Variants in IGSF21 observed in about 807,000 individuals in gnomAD.
IGSF21 encodes the protein immunoglobin superfamily member 21.
Under a neutral mutation model 46.8 loss-of-function variants are expected in IGSF21, and 28 were observed. The ratio of observed to expected loss-of-function variants is 0.60; its 90% CI spans 0.44 to 0.82. The LOEUF is 0.82. Among genes scored for constraint, IGSF21 ranks in the 40% least tolerant of loss-of-function variants. The pLI is 0.00. For missense variants in IGSF21, 624 were observed against 665.5 expected, an observed-to-expected ratio of 0.94 and a Z score of 0.69; for synonymous variants, 284 against 273.6, an observed-to-expected ratio of 1.04 and a Z score of -0.38.
At chr1:18,242,914 C>A (rs543894279) in intron 2 of IGSF21, among the ~76,000 whole-genome samples, 1 of 152,310 alleles carries the variant, frequency 6.6e-6, no homozygotes, top group East Asian at 1.9e-4. Flanking sequence ...GACCCGCACC[C>A]TTGTCTGGAG....
chr1:18,341,042 T>C (rs1378246772), intron 4 of IGSF21, among the ~76,000 whole-genome samples: 4 of 96,172 alleles, frequency 4.2e-5, no homozygotes, highest in African/African-American at 1.6e-4. Flanking sequence ...CTTCTTCTTC[T>C]TCCTCTTCCT....
chr1:18,210,567 G>A (rs916258734), intron 1 of IGSF21, among the ~76,000 whole-genome samples: 2 of 152,126 alleles, frequency 1.3e-5, no homozygotes, highest in Admixed American at 6.5e-5. Context: ...TGCTGTGCTA[G>A]GGAACTCCTG....
At chr1:18,351,873 C>T (rs1374172404) in intron 4 of IGSF21, among the ~76,000 whole-genome samples, 1 of 152,210 alleles carries the variant, frequency 6.6e-6, no homozygotes, top group East Asian at 1.9e-4. Context: ...GCTACATAAA[C>T]TACAGAGCGG....
rs141189325 is a variant in IGSF21 at position 18,238,367 on chromosome 1, G to A, written c.183+10357G>A. On this transcript the variant is annotated intron_variant, in intron 2 of 9. Transcript: ENST00000251296. Reference sequence around the variant, plus strand: ...AAGAGCTGCTGTGTGATTGGGATCCGTCCAGACACCACAGCTCAGTCAGCC... The same window carrying A: ...AAGAGCTGCTGTGTGATTGGGATCCATCCAGACACCACAGCTCAGTCAGCC... Among the ~76,000 whole-genome samples the A allele has an allele frequency of 1.6e-3, 243 of 152,274 alleles. 1 individual carries two copies. The highest frequency in any genetic ancestry group is 3.0e-3 in the Non-Finnish European group (204 of 68,016).
intron 3 of IGSF21, among the ~76,000 whole-genome samples, chr1:18,318,916 A>G (rs2085571866): frequency 6.6e-6 from 1 of 152,200 alleles, no homozygotes. Flanking sequence ...AAATTGTAGG[A>G]AACAGCCACC....
chr1:18,321,480 A>G (rs984584740), intron 3 of IGSF21, among the ~76,000 whole-genome samples: 1 of 152,188 alleles, frequency 6.6e-6, no homozygotes, highest in Non-Finnish European at 1.5e-5. Flanking sequence ...AAGCTGTAAT[A>G]AAATACCATA....
At chr1:18,227,863 G>A (rs367569444) in intron 1 of IGSF21, 35 bp from the exon 2 acceptor site, 17 of 1,521,958 alleles carry the variant, frequency 1.1e-5, no homozygotes, top group African/African-American at 9.6e-5. Context: ...TGATCTGCTC[G>A]TGCCCTTACC....
chr1:18,286,836 C>T (rs891080973), intron 2 of IGSF21, among the ~76,000 whole-genome samples: 2 of 152,180 alleles, frequency 1.3e-5, no homozygotes, highest in African/African-American at 4.8e-5. Flanking sequence ...ATTTATCGAG[C>T]GAGTGCCATT....
intron 1 of IGSF21, among the ~76,000 whole-genome samples, chr1:18,214,651 A>T (rs2084424753): frequency 6.6e-6 from 1 of 152,178 alleles, no homozygotes; most frequent in Non-Finnish European, 1.5e-5. Flanking sequence ...TCATGGAGGA[A>T]GGTGAAGGGG....
At position 18,241,987 on chromosome 1, in the gene IGSF21, G is replaced by A. The variant is rs77060856; in HGVS notation, c.183+13977G>A. ...TTTGGGAAGCTCTGTGGCCTCCTCCGTGGGGGAGAGATGGAGATGGCCTGG... is the reference window on the plus strand; with the variant it reads ...TTTGGGAAGCTCTGTGGCCTCCTCCATGGGGGAGAGATGGAGATGGCCTGG... On this transcript the variant is annotated intron_variant, in intron 2 of 9. Transcript: ENST00000251296. 7.9e-3 allele frequency among the ~76,000 whole-genome samples: 1,208 copies of A among 152,304 alleles called. 17 individuals are homozygous for A. Among genetic ancestry groups the A allele is most frequent in the African/African-American group, 0.025 (1,035 of 41,558 alleles).
At chr1:18,200,570 C>T (rs2087062403) in intron 1 of IGSF21, among the ~76,000 whole-genome samples, 2 of 152,258 alleles carry the variant, frequency 1.3e-5, no homozygotes, top group South Asian at 4.2e-4. Flanking sequence ...TGGCCTGCTC[C>T]CTCTGTGTCT....
At chr1:18,325,470 G>A (rs1464913774) in intron 3 of IGSF21, among the ~76,000 whole-genome samples, 1 of 152,134 alleles carries the variant, frequency 6.6e-6, no homozygotes, top group African/African-American at 2.4e-5. Context: ...AGCAGCAGCG[G>A]TACCTGGTGG....
intron 1 of IGSF21, among the ~76,000 whole-genome samples, chr1:18,225,525 G>T (rs912866381): frequency 6.6e-6 from 1 of 152,166 alleles, no homozygotes. Context: ...GCTGCTCAAA[G>T]ATTTATGCAT....
chr1:18,132,789 A>T (rs1244558775), intron 1 of IGSF21, among the ~76,000 whole-genome samples: 1 of 151,964 alleles, frequency 6.6e-6, no homozygotes, highest in East Asian at 1.9e-4. Flanking sequence ...CTTCCCCATG[A>T]TGCCCTTAAA....
chr1:18,359,383 A>AAAGAAAGAAAGAAAGAATGGAAGG (rs1557659626), intron 4 of IGSF21, among the ~76,000 whole-genome samples: 1 of 61,106 alleles, frequency 1.6e-5, no homozygotes, highest in African/African-American at 6.7e-5. Flanking sequence ...AGAAAGAAAG[A>AAAGAAAGAAAGAAAGAATGGAAGG]AAGGAAGGAA....
chr1:18,350,068 A>G (rs1403515490), intron 4 of IGSF21, among the ~76,000 whole-genome samples: 1 of 152,112 alleles, frequency 6.6e-6, no homozygotes, highest in Non-Finnish European at 1.5e-5. Flanking sequence ...GTCCTGAGGA[A>G]GCAGTGGGTG....
At chr1:18,361,939 G>A (rs942987409) in intron 4 of IGSF21, 176 bp from the exon 5 acceptor site, 1 of 588,680 alleles carries the variant, frequency 1.7e-6, no homozygotes, top group Non-Finnish European at 3.1e-6. Context: ...TATATTCCCA[G>A]CAAGGACGTG....
intron 1 of IGSF21, among the ~76,000 whole-genome samples, chr1:18,211,566 G>T (rs2084391496): frequency 6.6e-6 from 1 of 152,182 alleles, no homozygotes; most frequent in Admixed American, 6.5e-5. Context: ...CCTTTATTCT[G>T]CTTTTAGCTT....
At chr1:18,173,156 C>T (rs570283906) in intron 1 of IGSF21, among the ~76,000 whole-genome samples, 74 of 152,096 alleles carry the variant, frequency 4.9e-4, no homozygotes, top group Admixed American at 1.4e-3. Context: ...GGCGTGGTGG[C>T]GGGTGCCTGT....
Sources: allele counts gnomAD v4.1 joint callset (sites outside exome capture counted in the v4.1 genomes callset), GRCh38; gene constraint gnomAD v4.1.1; transcripts MANE v1.5; gene names NCBI Gene and HGNC (gene_info 2026-07-23, HGNC 2026-07-21).